The following CR2 variants were observed in gnomAD, a reference collection of about 807,000 sequenced individuals.
The protein encoded by CR2 is complement C3d receptor 2.
In CR2, 96 loss-of-function variants were observed where a neutral mutation model predicts 123.0. The ratio of observed to expected loss-of-function variants is 0.78; its 90% confidence interval spans 0.66 to 0.93. The LOEUF is 0.93. Ranked by LOEUF, CR2 falls within the 40% of genes least tolerant of loss-of-function variation. CR2 has a pLI of 0.00. For synonymous variants in CR2, 484 were observed against 469.5 expected, an observed-to-expected ratio of 1.03 and a Z score of -0.40; for missense variants, 1,258 against 1,361.0, an observed-to-expected ratio of 0.92 and a Z score of 1.19.
chr1:207,472,508 A>G (rs1441475888), intron 9 of CR2, among the ~76,000 whole-genome samples: 2 of 152,198 alleles, frequency 1.3e-5, no homozygotes, highest in Non-Finnish European at 2.9e-5. Context: ...TCTTCTTTTA[A>G]TTAGCAATTT....
At position 207,458,059 on chromosome 1, in the gene CR2, AACACACACAC is replaced by A. The variant is rs59735642; in HGVS notation, c.58+3614_58+3623del. On this transcript the variant is annotated intron_variant, in intron 1 of 19. Transcript: ENST00000367057. ...ACACAATTCCCTACCTCAAGGCCAC[AACACACACAC>A]ACACACACACACACACACACACACA... Among the ~76,000 whole-genome samples, 1,012 of 122,656 alleles carry A rather than the reference AACACACACAC, an allele frequency of 8.3e-3. 13 individuals carry two copies. Among genetic ancestry groups the A allele is most frequent in the African/African-American group, 0.031 (945 of 30,784 alleles). 80.5% of individuals were successfully genotyped at this position (122,656 alleles called of 152,430 possible).
In CR2 at chr1:207,470,314, A is replaced by G. The variant is rs367655189; in HGVS notation, c.1225+212A>G. Among the ~76,000 whole-genome samples the G allele has an allele frequency of 3.9e-5, 6 of 152,234 alleles. No homozygotes were observed. In the East Asian group the frequency reaches 5.8e-4, roughly 15 times the overall value. On this transcript the variant is annotated intron_variant, in intron 6 of 19. Coordinates refer to ENST00000367057, the MANE Select transcript of CR2 (RefSeq NM_001006658.3). Reference sequence around the variant, plus strand: ...GAATATGCTTGGAAAAAATGTTAGGAATCACTAAGTTTCTCATTTCTATAG... The same window carrying G: ...GAATATGCTTGGAAAAAATGTTAGGGATCACTAAGTTTCTCATTTCTATAG...
chr1:207,478,021 G>C lies in CR2; in HGVS notation c.3039G>C (p.Gln1013His). 1 of 1,614,080 alleles carries C rather than the reference G, an allele frequency of 6.2e-7. No homozygotes were observed. ...TGCTGGAAGGCAGTCCCCAGAGCCA[G>C]TGCCAATCGGATCACCAATGGAACC... is the stretch of plus-strand genomic sequence containing the variant. ...GYMLEGSPQSQCQSDHQWNPP... is the reference protein window; with the variant it reads ...GYMLEGSPQSHCQSDHQWNPP... The change falls in exon 16 of 20, where the codon CAG becomes CAC. Residue 1013 changes from glutamine (Q) to histidine (H), a missense_variant. Gln to His is a conservative substitution (Grantham distance 24). Transcript: ENST00000367057.
chr1:207,468,428 A>C, intron 2 of CR2, 99 bp from the exon 3 acceptor site: 6 of 1,192,930 alleles, frequency 5.0e-6, no homozygotes, highest in Non-Finnish European at 6.1e-6. Flanking sequence ...TCTTCTTCCA[A>C]TGTTGCCCAG....
Position 207,462,971 on chromosome 1 carries a change from G to A in CR2, c.59-3555G>A, listed in dbSNP as rs559566214. On this transcript the variant is annotated intron_variant, in intron 1 of 19. Coordinates refer to ENST00000367057, the MANE Select transcript of CR2 (RefSeq NM_001006658.3). ...GTAGTGTTCTAGAGTTGACTGATCC[G>A]TTGGAAAGTTTTGTAAATGTAAGAA... 3.4e-4 allele frequency among the ~76,000 whole-genome samples: 52 copies of A among 152,306 alleles called. No homozygotes were observed. The South Asian group carries it at 7.3e-3, about 21-fold the overall frequency.
Position 207,468,637 on chromosome 1 carries a change from G to T in CR2, c.556G>T (p.Gly186Cys), listed in dbSNP as rs1435094750. The T allele has an allele frequency of 1.9e-6, 3 of 1,614,004 alleles. No individual in the cohort carries two copies. The Admixed American group carries it at 5.0e-5, about 27-fold the overall frequency. ...GTCTGTGACTTACAGCTGTGAATCTGGTTACTTGCTTGTTGGAGAAAAGAT... is the reference window on the plus strand; with the variant it reads ...GTCTGTGACTTACAGCTGTGAATCTTGTTACTTGCTTGTTGGAGAAAAGAT... The part of the protein sequence containing the change: ...GLSVTYSCES[G>C]YLLVGEKIIN... The change falls in exon 3 of 20, where the codon GGT (glycine) becomes TGT (cysteine). Residue 186 changes from glycine to cysteine, a missense_variant. Coordinates refer to ENST00000367057, the MANE Select transcript of CR2 (RefSeq NM_001006658.3).
intron 1 of CR2, among the ~76,000 whole-genome samples, chr1:207,464,977 C>CA (rs1658057750): frequency 6.6e-6 from 1 of 152,156 alleles, no homozygotes; most frequent in Non-Finnish European, 1.5e-5. Context: ...GTCGCCCAGG[C>CA]TGGAGTGCAA....
chr1:207,474,011 G>A, intron 12 of CR2, 126 bp downstream of exon 12: 1 of 937,002 alleles, frequency 1.1e-6, no homozygotes, highest in Non-Finnish European at 1.7e-6. Context: ...GAGAATATGA[G>A]GTTCCAATGG....
At chr1:207,482,627 T>A (rs1572965329) in intron 18 of CR2, among the ~76,000 whole-genome samples, 1 of 152,162 alleles carries the variant, frequency 6.6e-6, no homozygotes, top group East Asian at 1.9e-4. Flanking sequence ...AGGACAAGCA[T>A]GTCGCTAAAC....
At chr1:207,483,962 G>A (rs1009416300) in intron 18 of CR2, among the ~76,000 whole-genome samples, 2 of 152,060 alleles carry the variant, frequency 1.3e-5, no homozygotes, top group Admixed American at 1.3e-4. Context: ...AGAGGCAGGG[G>A]GAAAACTAGC....
intron 13 of CR2, 35 bp downstream of exon 13, chr1:207,474,358 A>G (rs780194548): frequency 1.4e-6 from 2 of 1,468,474 alleles, no homozygotes; most frequent in Admixed American, 1.7e-5. Context: ...GACAATGGTA[A>G]TGGAGGATTA....
intron 14 of CR2, 35 bp downstream of exon 14, chr1:207,475,251 T>C (rs1297219971): frequency 1.2e-6 from 2 of 1,610,498 alleles, no homozygotes; most frequent in Non-Finnish European, 1.7e-6. Flanking sequence ...TATGGGATGT[T>C]GTACAGAATA....
At chr1:207,477,374 C>T (rs1240462990) in intron 15 of CR2, among the ~76,000 whole-genome samples, 2 of 152,174 alleles carry the variant, frequency 1.3e-5, no homozygotes, top group Non-Finnish European at 2.9e-5. Context: ...CCAATGACCT[C>T]TCACCAGGTC....
At chr1:207,488,659 C>T (rs1658813149) in intron 19 of CR2, among the ~76,000 whole-genome samples, 1 of 152,056 alleles carries the variant, frequency 6.6e-6, no homozygotes, top group Non-Finnish European at 1.5e-5. Flanking sequence ...CACCTCTGTC[C>T]TCTTGGAACT....
rs922434364 is a variant in CR2, at chr1:207,458,710, G to A, written c.58+4234G>A. On this transcript the variant is annotated intron_variant, in intron 1 of 19. Coordinates refer to ENST00000367057, the MANE Select transcript of CR2 (RefSeq NM_001006658.3). ...TTCCTTAACCATCATAACTGAAGTT[G>A]CATGCCACCCTGTCCCTTCTCCTTC... Among the ~76,000 whole-genome samples the A allele has an allele frequency of 2.0e-5, 3 of 152,144 alleles. No homozygotes were observed. The East Asian group carries it at 5.8e-4, about 29-fold the overall frequency.
chr1:207,461,468 T>A (rs1657964420), intron 1 of CR2, among the ~76,000 whole-genome samples: 1 of 152,206 alleles, frequency 6.6e-6, no homozygotes, highest in African/African-American at 2.4e-5. Flanking sequence ...ATATGCATTC[T>A]TCATTCCATA....
chr1:207,467,787 G>C (rs2102301530), intron 2 of CR2, among the ~76,000 whole-genome samples: 1 of 152,268 alleles, frequency 6.6e-6, no homozygotes, highest in Non-Finnish European at 1.5e-5. Context: ...AGACATATAT[G>C]TATGGACATG....
At chr1:207,467,086 C>T (rs912209561) in intron 2 of CR2, among the ~76,000 whole-genome samples, 174 bp downstream of exon 2, 1 of 151,958 alleles carries the variant, frequency 6.6e-6, no homozygotes, top group African/African-American at 2.4e-5. Flanking sequence ...TATAACTGCT[C>T]GTTCAAAAAA....
chr1:207,471,862 C>T, intron 9 of CR2: 1 of 328,332 alleles, frequency 3.0e-6, no homozygotes, highest in Non-Finnish European at 5.9e-6. Context: ...AGTGTGAGAC[C>T]TTGGACCACT....
Sources: gnomAD v4.1 joint callset for allele counts (sites outside exome capture counted in the v4.1 genomes callset) on GRCh38, gnomAD v4.1.1 for gene constraint, MANE v1.5 for transcripts, NCBI Gene and HGNC (gene_info 2026-07-23, HGNC 2026-07-21) for gene names.